Variants in TJP3 observed in about 807,000 individuals in gnomAD.
TJP3 encodes tight junction protein ZO-3.
A neutral mutation model predicts 104.2 loss-of-function variants in TJP3; 85 were observed. That is an observed-to-expected ratio of 0.82 (90% CI 0.68 to 0.98). TJP3 has a LOEUF of 0.98. TJP3 is among the 50% of genes least tolerant of loss of function. The probability of loss-of-function intolerance (pLI) is 0.00; values close to 1 mark genes in which losing one functional copy is unlikely to be tolerated. For synonymous variants in TJP3, 550 were observed against 550.6 expected (o/e 1.00, Z 0.02); for missense variants, 1,367 against 1,322.8 (o/e 1.03, Z -0.52).
chr19:3,746,354 C>G lies in TJP3; in HGVS notation c.2011-131C>G. 9.6e-7 allele frequency: 1 copy of G among 1,038,054 alleles called. No homozygotes were observed. The highest frequency in any genetic ancestry group is 1.6e-5 in the South Asian group (1 of 62,906). 64.3% of individuals were successfully genotyped at this position (1,038,054 alleles called of 1,614,324 possible). ...ACCTGGGCTGTTACCACCCCCATCC[C>G]CAACTTGCTAGCCTGTGGATGTGAG... On this transcript the variant is annotated intron_variant, in intron 16 of 20. Coordinates refer to ENST00000541714, the MANE Select transcript of TJP3 (RefSeq NM_001267560.2). The surrounding 1 kb of genome is among the most constrained non-coding windows in gnomAD (Gnocchi z 4.1).
rs564370441 is a variant in TJP3, at chr19:3,730,609, C to A, written c.516C>A (p.Asn172Lys). ...GCCCAGGTGGTGGCTCTGAGGCCAACGGGCTGGCCCTGGTGTCCGGCTTTA... is the reference window on the plus strand; with the variant it reads ...GCCCAGGTGGTGGCTCTGAGGCCAAAGGGCTGGCCCTGGTGTCCGGCTTTA... Reference protein sequence around the residue: ...RRSPGGGSEANGLALVSGFKR... With the variant: ...RRSPGGGSEAKGLALVSGFKR... The change falls in exon 5 of 21, where the codon AAC (asparagine) becomes AAA (lysine). Residue 172 changes from asparagine to lysine, a missense_variant. Transcript: ENST00000541714. The surrounding 1 kb of genome is among the most constrained non-coding windows in gnomAD (Gnocchi z 7.3). 3.7e-6 allele frequency: 6 copies of A among 1,611,586 alleles called. No individual in the cohort carries two copies. Among genetic ancestry groups the A allele is most frequent in the Non-Finnish European group, 4.2e-6 (5 of 1,179,862 alleles).
rs2036646277 is a variant in TJP3, at chr19:3,729,906, A to T, written c.159-122A>T. ...ATGTCTTTGTGAACCTAGGGACACC[A>T]ATGAATTAGAACCAGGCCTTGTAGA... is the stretch of plus-strand genomic sequence containing the variant. On this transcript the variant is annotated intron_variant, in intron 3 of 20. Coordinates refer to ENST00000541714, the MANE Select transcript of TJP3 (RefSeq NM_001267560.2). 2.6e-5 allele frequency: 19 copies of T among 738,238 alleles called. 1 individual carries two copies. The South Asian group carries it at 2.8e-4, about 11-fold the overall frequency. The allele number at this position is 738,238 out of a possible 1,614,324, so 45.7% of individuals were successfully genotyped here.
chr19:3,712,045 G>T (rs1255647905), intron 1 of TJP3, among the ~76,000 whole-genome samples: 2 of 152,076 alleles, frequency 1.3e-5, no homozygotes, highest in African/African-American at 4.8e-5. Flanking sequence ...ACCAGACACG[G>T]TGGCTCACGC....
At chr19:3,711,836 T>G (rs908901495) in intron 1 of TJP3, among the ~76,000 whole-genome samples, 1 of 152,006 alleles carries the variant, frequency 6.6e-6, no homozygotes, top group Non-Finnish European at 1.5e-5. Context: ...ATTAATTTGT[T>G]TCCTTTCTTT....
chr19:3,722,856 C>CGGGGGGGG (rs57421122), intron 1 of TJP3, among the ~76,000 whole-genome samples: 4 of 11,272 alleles, frequency 3.5e-4, no homozygotes, highest in South Asian at 3.0e-3. Flanking sequence ...GATGGGGTGG[C>CGGGGGGGG]GGGGGGGGGG....
At position 3,746,495 on chromosome 19, in the gene TJP3, C is replaced by G; in HGVS notation, c.2021C>G (p.Ala674Gly). Residue 674 changes from alanine to glycine, a missense_variant, in exon 17 of 21, where the codon GCG (alanine) becomes GGG (glycine). By Grantham distance (60) the Ala-to-Gly change is moderately conservative (BLOSUM62 0). Transcript: ENST00000541714. The surrounding 1 kb of genome is among the most constrained non-coding windows in gnomAD (Gnocchi z 4.1). ...VRVIAEKDKH[A>G]LLDVTPSAIE... ...GCCGGCCTGGCCCAGGACAAGCATG[C>G]GCTCCTGGATGTGACCCCCTCCGCC... 1 of 1,613,856 alleles carries G rather than the reference C, an allele frequency of 6.2e-7. No individual in the cohort carries two copies. The highest frequency in any genetic ancestry group is 1.3e-5 in the African/African-American group (1 of 75,042).
intron 1 of TJP3, among the ~76,000 whole-genome samples, chr19:3,715,642 G>A (rs7254217): frequency 0.012 from 1,774 of 152,226 alleles, 40 homozygotes; most frequent in African/African-American, 0.04. Flanking sequence ...ATTTCTCTGC[G>A]TTGCCCATTG....
At chr19:3,720,794 G>C (rs1023123647) in intron 1 of TJP3, among the ~76,000 whole-genome samples, 4 of 151,820 alleles carry the variant, frequency 2.6e-5, no homozygotes, top group Non-Finnish European at 4.4e-5. Flanking sequence ...AGAAGGAAAC[G>C]ACCTTTACTC....
Position 3,747,017 on chromosome 19 carries a change from C to T in TJP3, c.2322+141C>T, listed in dbSNP as rs1342184773. 10 of 775,830 alleles carry T rather than the reference C, an allele frequency of 1.3e-5. No homozygotes were observed. In the Admixed American group the frequency reaches 2.4e-4, roughly 18 times the overall value. 48.1% of individuals were successfully genotyped at this position (775,830 alleles called of 1,614,324 possible). Reference sequence around the variant, plus strand: ...GCCAGAGTCAAGATGGGACCTGAGACAAGGGTGTTGGACTGGAACTTGGGT... The same window carrying T: ...GCCAGAGTCAAGATGGGACCTGAGATAAGGGTGTTGGACTGGAACTTGGGT... On this transcript the variant is annotated intron_variant, in intron 18 of 20. Coordinates refer to ENST00000541714, the MANE Select transcript of TJP3 (RefSeq NM_001267560.2).
In TJP3 at chr19:3,740,607, G is replaced by A. The variant is rs367746862; in HGVS notation, c.1687G>A (p.Gly563Ser). ...AAQRAVGVGP[G>S]SSAGSNARAE... ...CCAGAGGGCCGTGGGAGTCGGGCCC[G>A]GCTCCTCCGCGGGCTCCAATGCTCG... The change falls in exon 14 of 21, where the codon GGC becomes AGC. Residue 563 changes from glycine (G) to serine (S), a missense_variant. Gly to Ser is a moderately conservative substitution (Grantham distance 56). Coordinates refer to ENST00000541714, the MANE Select transcript of TJP3 (RefSeq NM_001267560.2). The A allele has an allele frequency of 5.8e-5, 91 of 1,563,172 alleles. No individual in the cohort carries two copies. Among genetic ancestry groups the A allele is most frequent in the African/African-American group, 5.7e-4 (42 of 73,406 alleles).
chr19:3,731,469 C>T (rs529443882), intron 5 of TJP3, among the ~76,000 whole-genome samples: 3 of 152,146 alleles, frequency 2.0e-5, no homozygotes, highest in South Asian at 4.2e-4. Flanking sequence ...CCCATCTCTA[C>T]TAGAAATACA....
At chr19:3,716,801 A>ATTTTTTTTTT (rs1215459660) in intron 1 of TJP3, among the ~76,000 whole-genome samples, 1 of 81,972 alleles carries the variant, frequency 1.2e-5, no homozygotes, top group African/African-American at 4.9e-5. Flanking sequence ...ATATATATAT[A>ATTTTTTTTTT]TTTTTTTTTT....
intron 1 of TJP3, among the ~76,000 whole-genome samples, chr19:3,726,423 C>A (rs917625311): frequency 2.0e-5 from 3 of 152,022 alleles, no homozygotes; most frequent in Non-Finnish European, 2.9e-5. Flanking sequence ...CATGGTGAGA[C>A]CCCCGTCTCT....
intron 15 of TJP3, 123 bp downstream of exon 15, chr19:3,744,157 C>T: frequency 2.5e-6 from 2 of 787,058 alleles, no homozygotes; most frequent in East Asian, 2.6e-5. Context: ...CCACCAGTGC[C>T]CCCCCCAATA....
chr19:3,726,823 C>T (rs970449427), intron 1 of TJP3, among the ~76,000 whole-genome samples: 1 of 151,734 alleles, frequency 6.6e-6, no homozygotes. Flanking sequence ...TAATGGCTCA[C>T]ACTTGTAATC....
chr19:3,724,297 G>A (rs900961724), intron 1 of TJP3, among the ~76,000 whole-genome samples: 17 of 151,912 alleles, frequency 1.1e-4, no homozygotes, highest in African/African-American at 3.6e-4. Context: ...CCAGGTTCAC[G>A]CCATTCTCCT....
At chr19:3,713,971 T>A (rs1274172211) in intron 1 of TJP3, among the ~76,000 whole-genome samples, 2 of 150,842 alleles carry the variant, frequency 1.3e-5, no homozygotes, top group African/African-American at 4.9e-5. Flanking sequence ...GTGATCCACC[T>A]GTCTCGGCCT....
At chr19:3,722,777 C>G (rs970798481) in intron 1 of TJP3, among the ~76,000 whole-genome samples, 1 of 151,046 alleles carries the variant, frequency 6.6e-6, no homozygotes, top group Non-Finnish European at 1.5e-5. Flanking sequence ...CCAGGCACAG[C>G]TCTCAGAATC....
intron 1 of TJP3, among the ~76,000 whole-genome samples, chr19:3,717,447 A>G (rs984979317): frequency 2.8e-5 from 4 of 144,530 alleles, no homozygotes; most frequent in Non-Finnish European, 6.1e-5. Flanking sequence ...TTTTTTTTGA[A>G]ACATAGTGTT....
Sources: gnomAD v4.1 joint callset for allele counts (sites outside exome capture counted in the v4.1 genomes callset) on GRCh38, gnomAD v4.1.1 for gene constraint, Gnocchi (gnomAD v3.1) non-coding constraint, MANE v1.5 for transcripts, NCBI Gene and HGNC (gene_info 2026-07-23, HGNC 2026-07-21) for gene names.